PCDH15: variants seen among roughly 807,000 people sequenced by gnomAD.
PCDH15 encodes the protein protocadherin-15.
PCDH15 carries 129 observed loss-of-function variants against 178.5 expected under a neutral mutation model. The observed-to-expected ratio is 0.72, with a 90% CI of 0.63 to 0.84. The LOEUF (loss-of-function observed/expected upper bound fraction) is 0.84, where lower values mean the gene tolerates loss of function less well. PCDH15 is among the 40% of genes least tolerant of loss of function. The pLI is 0.00. For missense variants in PCDH15, 2,230 were observed against 2,099.9 expected (o/e 1.06, Z -1.21); for synonymous variants, 800 against 732.0 (o/e 1.09, Z -1.50).
chr10:55,573,568 A>T (rs1842445325), intron 2 of PCDH15, among the ~76,000 whole-genome samples: 1 of 152,124 alleles, frequency 6.6e-6, no homozygotes, highest in South Asian at 2.1e-4. Context: ...TCTCATTGAA[A>T]AGCTGCTATA....
chr10:55,503,224 T>A (rs1840692778), intron 2 of PCDH15, among the ~76,000 whole-genome samples: 1 of 151,114 alleles, frequency 6.6e-6, no homozygotes, highest in South Asian at 2.1e-4. Flanking sequence ...AATTACAAAG[T>A]TTTACAATTA....
At chr10:54,756,056 A>ACACACAC (rs1947047019) in intron 1 of PCDH15, among the ~76,000 whole-genome samples, 1,767 of 71,700 alleles carry the variant, frequency 0.025, 53 homozygotes, top group African/African-American at 0.074. Context: ...CTCTACTAAA[A>ACACACAC]ACACACACAC....
chr10:53,903,521 AGG>A, intron 25 of PCDH15, 151 bp from the exon 26 acceptor site: 3 of 771,282 alleles, frequency 3.9e-6, no homozygotes, highest in Non-Finnish European at 6.4e-6. Flanking sequence ...CCCCAAATTC[AGG>A]GGACACTGAT....
rs114645469 is a variant in PCDH15 at position 54,788,101 on chromosome 10, C to T, written c.-29+12824G>A. On this transcript the variant is annotated intron_variant, in intron 1 of 37. Transcript: ENST00000644397. ...GAAAAATAATGAGAACTTTCAGGAA[C>T]ATATGGGAGGAAGGTTTGACTCTAA... Among the ~76,000 whole-genome samples, 799 of 151,712 alleles carry T rather than the reference C, an allele frequency of 5.3e-3. 6 individuals are homozygous for T. The highest frequency in any genetic ancestry group is 0.018 in the African/African-American group (759 of 41,420).
At chr10:54,549,427 TA>T (rs2086280487) in intron 2 of PCDH15, among the ~76,000 whole-genome samples, 3 of 151,944 alleles carry the variant, frequency 2.0e-5, no homozygotes, top group Admixed American at 2.0e-4. Context: ...ATAGGTTATT[TA>T]AAAGATAGTT....
chr10:55,251,744 A>T (rs183276348), intron 1 of PCDH15, among the ~76,000 whole-genome samples: 226 of 152,278 alleles, frequency 1.5e-3, no homozygotes, highest in African/African-American at 4.8e-3. Flanking sequence ...AATTTTTTTT[A>T]AAAAGTTATT....
intron 2 of PCDH15, among the ~76,000 whole-genome samples, chr10:54,911,045 A>C (rs905107373): frequency 1.3e-5 from 2 of 152,202 alleles, no homozygotes; most frequent in Admixed American, 6.5e-5. Flanking sequence ...AATGGAATGA[A>C]AATAGTTTCA....
intron 2 of PCDH15, among the ~76,000 whole-genome samples, chr10:54,663,150 C>T (rs1011427747): frequency 4.6e-5 from 7 of 151,884 alleles, no homozygotes; most frequent in Non-Finnish European, 1.0e-4. Context: ...AATATATGCA[C>T]AACTTGAACA....
At chr10:55,038,109 A>G (rs1308648117) in intron 2 of PCDH15, among the ~76,000 whole-genome samples, 3 of 152,202 alleles carry the variant, frequency 2.0e-5, no homozygotes, top group Non-Finnish European at 4.4e-5. Context: ...ATGGCTGTCA[A>G]TGGCCACTGA....
At chr10:54,433,589 T>C (rs868106512) in intron 3 of PCDH15, among the ~76,000 whole-genome samples, 2 of 152,050 alleles carry the variant, frequency 1.3e-5, no homozygotes, top group South Asian at 2.1e-4. Flanking sequence ...TTAATGGATA[T>C]AAAAATTAGT....
At chr10:55,518,246 T>C (rs1162789577) in intron 2 of PCDH15, among the ~76,000 whole-genome samples, 1 of 152,130 alleles carries the variant, frequency 6.6e-6, no homozygotes, top group Non-Finnish European at 1.5e-5. Flanking sequence ...ACAAATTGCA[T>C]GTCAGTTCAT....
intron 25 of PCDH15, among the ~76,000 whole-genome samples, chr10:53,913,660 C>T (rs1257687214): frequency 1.3e-5 from 2 of 150,988 alleles, no homozygotes; most frequent in South Asian, 2.1e-4. Flanking sequence ...AGGAGAATGG[C>T]GTGAACCCGG....
chr10:54,370,456 C>T (rs1443436925), intron 4 of PCDH15, among the ~76,000 whole-genome samples: 2 of 151,826 alleles, frequency 1.3e-5, no homozygotes, highest in Admixed American at 6.6e-5. Flanking sequence ...CTCAATACAA[C>T]CTGTGTGTTA....
chr10:54,147,984 T>C (rs1246505515), intron 14 of PCDH15, among the ~76,000 whole-genome samples: 3 of 151,974 alleles, frequency 2.0e-5, no homozygotes, highest in Admixed American at 1.3e-4. Context: ...ATTTCTGGTG[T>C]GCAAAACTAA....
At chr10:55,058,313 T>G (rs1216085602) in intron 2 of PCDH15, among the ~76,000 whole-genome samples, 1 of 152,100 alleles carries the variant, frequency 6.6e-6, no homozygotes, top group East Asian at 1.9e-4. Context: ...TGAGCTCAAG[T>G]GATCTTCCCA....
chr10:54,994,273 C>A (rs1404333643), intron 2 of PCDH15, among the ~76,000 whole-genome samples: 1 of 152,092 alleles, frequency 6.6e-6, no homozygotes, highest in East Asian at 1.9e-4. Flanking sequence ...ATGTGTACAA[C>A]AAATTTCAGT....
intron 2 of PCDH15, among the ~76,000 whole-genome samples, chr10:54,976,110 G>A (rs536764081): frequency 6.6e-6 from 1 of 152,192 alleles, no homozygotes; most frequent in East Asian, 1.9e-4. Context: ...TCAAAATTAT[G>A]AGAAAATTTC....
intron 1 of PCDH15, among the ~76,000 whole-genome samples, chr10:54,747,920 C>G (rs531929551): frequency 2.6e-5 from 4 of 151,892 alleles, no homozygotes; most frequent in Non-Finnish European, 5.9e-5. Flanking sequence ...ATTCTCCTGC[C>G]TCAGCCTCCA....
chr10:54,119,554 A>G (rs1474054498), intron 15 of PCDH15, among the ~76,000 whole-genome samples: 1 of 152,138 alleles, frequency 6.6e-6, no homozygotes, highest in East Asian at 1.9e-4. Flanking sequence ...AGAAAAAGAA[A>G]ACAACCTGGA....
Sources: gnomAD v4.1 joint callset for allele counts (sites outside exome capture counted in the v4.1 genomes callset) on GRCh38, gnomAD v4.1.1 for gene constraint, MANE v1.5 for transcripts, NCBI Gene and HGNC (gene_info 2026-07-23, HGNC 2026-07-21) for gene names.